Variants in ADGRL3 observed in about 807,000 individuals in gnomAD.
ADGRL3 encodes calcium-independent alpha-latrotoxin receptor 3.
ADGRL3 carries 62 observed loss-of-function variants against 153.5 expected under a neutral mutation model. The ratio of observed to expected loss-of-function variants is 0.40; its 90% confidence interval spans 0.33 to 0.50. ADGRL3 has a LOEUF of 0.50. Among genes scored for constraint, ADGRL3 ranks in the 20% least tolerant of loss-of-function variants. The pLI is 0.47. For missense variants in ADGRL3, 1,641 were observed against 1,859.4 expected (o/e 0.88, Z 2.16); for synonymous variants, 710 against 672.5 (o/e 1.06, Z -0.86).
At chr4:61,567,273 C>G (rs1363303099) in intron 4 of ADGRL3, among the ~76,000 whole-genome samples, 6 of 152,142 alleles carry the variant, frequency 3.9e-5, no homozygotes, top group Admixed American at 1.3e-4. Context: ...TAAATCAGAT[C>G]AATCAAGATC....
intron 25 of ADGRL3, among the ~76,000 whole-genome samples, chr4:62,046,237 A>AT (rs1308141995): frequency 1.3e-5 from 2 of 151,940 alleles, no homozygotes; most frequent in Non-Finnish European, 2.9e-5. Flanking sequence ...AGGTAATATG[A>AT]TTTTAATGAT....
At chr4:62,036,444 T>G (rs6827266) in intron 23 of ADGRL3, among the ~76,000 whole-genome samples, 79,690 of 151,732 alleles carry the variant, frequency 0.53, 21,167 homozygotes, top group Middle Eastern at 0.65. Flanking sequence ...CTCTATCATT[T>G]TTCTTATCAC....
intron 4 of ADGRL3, among the ~76,000 whole-genome samples, chr4:61,578,756 G>A (rs146862272): frequency 6.6e-6 from 1 of 152,000 alleles, no homozygotes; most frequent in South Asian, 2.1e-4. Flanking sequence ...CGTCATTCGA[G>A]AAATCTTTTT....
chr4:61,776,090 C>T (rs1033822782), intron 8 of ADGRL3, among the ~76,000 whole-genome samples: 1 of 151,878 alleles, frequency 6.6e-6, no homozygotes, highest in Admixed American at 6.6e-5. Flanking sequence ...TTAGTAGAGA[C>T]GGGGTTTCAC....
intron 1 of ADGRL3, among the ~76,000 whole-genome samples, chr4:61,276,648 C>G (rs190267770): frequency 5.9e-5 from 9 of 152,130 alleles, no homozygotes; most frequent in African/African-American, 2.2e-4. Context: ...TATAACTGAT[C>G]TTCATTTTAG....
Position 61,636,181 on chromosome 4 carries a change from T to C in ADGRL3, c.474-40645T>C, listed in dbSNP as rs1347362402. On this transcript the variant is annotated intron_variant, in intron 5 of 26. Coordinates refer to ENST00000683033, the MANE Select transcript of ADGRL3 (RefSeq NM_001387552.1). The stretch of plus-strand genomic sequence containing the variant: ...ATATACTTTTTGCTGTGTGTGAATG[T>C]TACTTCCCTCAGTCCTTATTTTTTA... 2.0e-5 allele frequency among the ~76,000 whole-genome samples: 3 copies of C among 152,106 alleles called. No individual in the cohort carries two copies. The East Asian group carries it at 5.8e-4, about 29-fold the overall frequency.
chr4:61,526,070 T>C (rs1279950470), intron 4 of ADGRL3, among the ~76,000 whole-genome samples: 1 of 152,046 alleles, frequency 6.6e-6, no homozygotes, highest in African/African-American at 2.4e-5. Flanking sequence ...ATGCAAGCCA[T>C]TGAGGGTGAT....
intron 8 of ADGRL3, among the ~76,000 whole-genome samples, chr4:61,752,817 C>T (rs1335595584): frequency 6.6e-6 from 1 of 152,076 alleles, no homozygotes; most frequent in Non-Finnish European, 1.5e-5. Flanking sequence ...ACCTGTAGTC[C>T]TAGCTACTCA....
At chr4:61,724,306 G>C (rs1364144816) in intron 6 of ADGRL3, among the ~76,000 whole-genome samples, 1 of 152,078 alleles carries the variant, frequency 6.6e-6, no homozygotes, top group Non-Finnish European at 1.5e-5. Context: ...ATTCTCAAAA[G>C]AGTCTACTAA....
rs560050451 is a variant in ADGRL3 at position 61,936,282 on chromosome 4, A to G, written c.2419+237A>G. Among the ~76,000 whole-genome samples the G allele has an allele frequency of 2.0e-4, 30 of 152,276 alleles. No homozygotes were observed. The South Asian group carries it at 2.9e-3, about 15-fold the overall frequency. ...AATTGTTCCATTACTTTTCAGTTGT[A>G]AGAAACTTAAATATGAAGGAAATTA... On this transcript the variant is annotated intron_variant, in intron 15 of 26. Transcript: ENST00000683033.
intron 8 of ADGRL3, among the ~76,000 whole-genome samples, chr4:61,741,285 A>G (rs1205956781): frequency 6.6e-6 from 1 of 152,200 alleles, no homozygotes; most frequent in Non-Finnish European, 1.5e-5. Context: ...CTAGGGTATG[A>G]TTCCTTCACA....
intron 6 of ADGRL3, among the ~76,000 whole-genome samples, chr4:61,707,545 A>G (rs997273780): frequency 1.3e-5 from 2 of 152,122 alleles, no homozygotes; most frequent in African/African-American, 2.4e-5. Context: ...TATTTTTTCA[A>G]TTGATTTTAA....
chr4:61,899,077 C>CTT (rs2098648861), intron 11 of ADGRL3, among the ~76,000 whole-genome samples: 1 of 152,162 alleles, frequency 6.6e-6, no homozygotes. Flanking sequence ...CCTGTGCAAG[C>CTT]TTCTAGCTTG....
intron 1 of ADGRL3, among the ~76,000 whole-genome samples, chr4:61,323,356 TGCAAATTTCTGCA>T (rs1560473207): frequency 6.6e-6 from 1 of 152,138 alleles, no homozygotes; most frequent in African/African-American, 2.4e-5. Flanking sequence ...CGTTAACTTA[TGCAAATTTCTGCA>T]GCTGGTTTGA....
chr4:61,691,429 A>T (rs1436363399), intron 6 of ADGRL3, among the ~76,000 whole-genome samples: 1 of 152,182 alleles, frequency 6.6e-6, no homozygotes, highest in Non-Finnish European at 1.5e-5. Flanking sequence ...CATGGAAAAC[A>T]GGAACTTTTT....
chr4:61,283,158 A>T (rs2150023757), intron 1 of ADGRL3, among the ~76,000 whole-genome samples: 1 of 152,202 alleles, frequency 6.6e-6, no homozygotes, highest in Non-Finnish European at 1.5e-5. Flanking sequence ...CTTTAGAAGG[A>T]TTATCTACAA....
chr4:62,014,852 G>A (rs2099204217), intron 21 of ADGRL3, among the ~76,000 whole-genome samples: 1 of 152,140 alleles, frequency 6.6e-6, no homozygotes. Flanking sequence ...TACTCCAGGT[G>A]CTTATCAGTT....
At chr4:61,768,136 A>G (rs1167655818) in intron 8 of ADGRL3, among the ~76,000 whole-genome samples, 1 of 152,106 alleles carries the variant, frequency 6.6e-6, no homozygotes, top group African/African-American at 2.4e-5. Context: ...CTGATTTGGG[A>G]TAAAGAAAAA....
chr4:61,423,063 G>A (rs937183704), intron 2 of ADGRL3, among the ~76,000 whole-genome samples: 1 of 152,084 alleles, frequency 6.6e-6, no homozygotes, highest in African/African-American at 2.4e-5. Context: ...ATATCAATTT[G>A]GGGGCACATG....
Sources: allele counts gnomAD v4.1 joint callset (sites outside exome capture counted in the v4.1 genomes callset), GRCh38; gene constraint gnomAD v4.1.1; transcripts MANE v1.5; gene names NCBI Gene and HGNC (gene_info 2026-07-23, HGNC 2026-07-21).